PTPRG: variants seen among roughly 807,000 people sequenced by gnomAD.
PTPRG encodes receptor-type tyrosine-protein phosphatase gamma.
PTPRG carries 102 observed loss-of-function variants against 165.3 expected under a neutral mutation model. That is an observed-to-expected ratio of 0.62 (90% confidence interval 0.53 to 0.73). PTPRG has a LOEUF of 0.73. Ranked by LOEUF, PTPRG falls within the 30% of genes least tolerant of loss-of-function variation. The pLI, the probability that PTPRG is intolerant of heterozygous loss-of-function variation, is 0.00. For synonymous variants in PTPRG, 675 were observed against 669.5 expected, an observed-to-expected ratio of 1.01 and a Z score of -0.13; for missense variants, 1,866 against 1,861.4, an observed-to-expected ratio of 1.00 and a Z score of -0.05.
chr3:62,000,927 G>A (rs534558240), intron 3 of PTPRG, among the ~76,000 whole-genome samples: 155 of 152,302 alleles, frequency 1.0e-3, no homozygotes, highest in African/African-American at 3.6e-3. Flanking sequence ...AGCCAGGTAG[G>A]CACTGCAGTA....
chr3:62,275,913 G>T lies in PTPRG; in HGVS notation c.3506G>T (p.Ser1169Ile), dbSNP rs762309679. ...AATGCAAAATATGTGGAATGTTTCA[G>T]TGCTCAGAAAGAGTGTAACAAAGAA... ...QCNAKYVECF[S>I]AQKECNKEKN... The change falls in exon 24 of 30, where the codon AGT (serine) becomes ATT (isoleucine). Residue 1169 changes from serine to isoleucine, a missense_variant. Ser to Ile is a moderately radical substitution (Grantham distance 142, BLOSUM62 -2). This residue lies in a region of PTPRG where 1,452 missense variants were observed against 1,463.0 expected (regional missense o/e 0.99). Transcript: ENST00000474889. 2 of 1,611,996 alleles carry T rather than the reference G, an allele frequency of 1.2e-6. No homozygotes were observed. Among genetic ancestry groups the T allele is most frequent in the African/African-American group, 1.3e-5 (1 of 74,942 alleles).
intron 1 of PTPRG, among the ~76,000 whole-genome samples, chr3:61,592,649 C>T (rs58844538): frequency 0.12 from 15,943 of 131,402 alleles, 1,464 homozygotes; most frequent in African/African-American, 0.26. Context: ...TTCTTTCTTT[C>T]TTTTTTTTTT....
At chr3:62,292,645 A>C in intron 29 of PTPRG, 89 bp downstream of exon 29, 1 of 1,480,344 alleles carries the variant, frequency 6.8e-7, no homozygotes, top group Non-Finnish European at 9.1e-7. Flanking sequence ...ATTGGGGGTG[A>C]TTTTGCCCCC....
intron 5 of PTPRG, among the ~76,000 whole-genome samples, chr3:62,109,197 G>C (rs2106851914): frequency 1.3e-5 from 2 of 152,202 alleles, no homozygotes; most frequent in East Asian, 1.9e-4. Flanking sequence ...TTAAGTCTTT[G>C]ATCCATCTTG....
intron 2 of PTPRG, among the ~76,000 whole-genome samples, chr3:61,887,251 A>G (rs2038077614): frequency 6.6e-6 from 1 of 150,888 alleles, no homozygotes; most frequent in African/African-American, 2.4e-5. Flanking sequence ...GAAAGTTGAA[A>G]AAGAAAATTC....
intron 1 of PTPRG, among the ~76,000 whole-genome samples, chr3:61,684,289 C>T (rs1295563186): frequency 7.9e-5 from 12 of 152,192 alleles, no homozygotes; most frequent in African/African-American, 2.4e-4. Context: ...CTGCCAGCTC[C>T]CCTCCAGGCT....
chr3:61,851,487 AC>A (rs1314239027), intron 2 of PTPRG, among the ~76,000 whole-genome samples: 1 of 151,884 alleles, frequency 6.6e-6, no homozygotes, highest in Non-Finnish European at 1.5e-5. Context: ...AAATAAACTG[AC>A]CAATATATCT....
chr3:61,678,502 A>C (rs1703315625), intron 1 of PTPRG, among the ~76,000 whole-genome samples: 2 of 152,014 alleles, frequency 1.3e-5, no homozygotes, highest in South Asian at 4.2e-4. Flanking sequence ...TTCCCTTCTT[A>C]TTTGGAAAGA....
In PTPRG at chr3:62,149,248, TG is replaced by T. The variant is rs1177348900; in HGVS notation, c.683-7815del. 3.4e-5 allele frequency among the ~76,000 whole-genome samples: 5 copies of T among 149,074 alleles called. No individual in the cohort carries two copies. In the South Asian group the frequency reaches 1.1e-3, roughly 32 times the overall value. Reference sequence around the variant, plus strand: ...TTTGGATCATAAAATTAACTCCCTCTGGGGTCCCCCTAGGGAGGCCTCTTTT... The same window carrying T: ...TTTGGATCATAAAATTAACTCCCTCTGGGTCCCCCTAGGGAGGCCTCTTTT... On this transcript the variant is annotated intron_variant, in intron 6 of 29. Coordinates refer to ENST00000474889, the MANE Select transcript of PTPRG (RefSeq NM_002841.4).
At chr3:62,265,785 T>C (rs1259822215) in intron 17 of PTPRG, among the ~76,000 whole-genome samples, 6 of 151,838 alleles carry the variant, frequency 4.0e-5, no homozygotes. Flanking sequence ...ACACCTCCTT[T>C]CTAACCAGAG....
At chr3:61,816,495 G>A (rs891184737) in intron 2 of PTPRG, among the ~76,000 whole-genome samples, 3 of 152,254 alleles carry the variant, frequency 2.0e-5, no homozygotes, top group Middle Eastern at 3.4e-3. Flanking sequence ...TTGCGCCACT[G>A]CACTCCAGCT....
At chr3:61,693,075 A>G (rs2030325484) in intron 1 of PTPRG, among the ~76,000 whole-genome samples, 1 of 152,216 alleles carries the variant, frequency 6.6e-6, no homozygotes, top group Non-Finnish European at 1.5e-5. Context: ...TGGAATAAAA[A>G]TGAAAAAAAG....
chr3:61,898,063 G>C (rs749473198), intron 2 of PTPRG, among the ~76,000 whole-genome samples: 3 of 151,978 alleles, frequency 2.0e-5, no homozygotes, highest in Admixed American at 6.6e-5. Context: ...CCTTATTTTA[G>C]TGGCTAGAAC....
At chr3:62,059,232 A>G (rs1466000754) in intron 4 of PTPRG, among the ~76,000 whole-genome samples, 1 of 152,200 alleles carries the variant, frequency 6.6e-6, no homozygotes, top group African/African-American at 2.4e-5. Context: ...CACATGTCCT[A>G]GGGGACTCCT....
chr3:62,253,595 A>C (rs1379296689), intron 15 of PTPRG, among the ~76,000 whole-genome samples: 1 of 152,150 alleles, frequency 6.6e-6, no homozygotes, highest in Admixed American at 6.6e-5. Context: ...TAAACATTTT[A>C]AGTGAAGTGA....
Position 62,273,759 on chromosome 3 carries a change from TA to T in PTPRG, c.3381del (p.Ser1128LeufsTer17). On this transcript the variant is annotated frameshift_variant, in exon 23 of 30. Transcript: ENST00000474889. LOFTEE classifies it high-confidence loss of function. This position sits in a 1 kb window ranked among gnomAD's most constrained non-coding sequence, Gnocchi z 4.1. ...LEAILGKETE[V>X]SSNQLHSYVN... Reference sequence around the variant, plus strand: ...GCCATTCTTGGAAAGGAGACTGAAGTATCTTCAAATCAGCTGCACAGCTATG... The same window carrying T: ...GCCATTCTTGGAAAGGAGACTGAAGTTCTTCAAATCAGCTGCACAGCTATG... The T allele has an allele frequency of 6.2e-7, 1 of 1,613,660 alleles. No homozygotes were observed. The highest frequency in any genetic ancestry group is 8.5e-7 in the Non-Finnish European group (1 of 1,179,620).
chr3:61,799,781 T>C (rs1293807704), intron 2 of PTPRG, among the ~76,000 whole-genome samples: 1 of 152,220 alleles, frequency 6.6e-6, no homozygotes, highest in Admixed American at 6.5e-5. Context: ...AAAGTCACTA[T>C]GTGCAGCTCA....
chr3:62,077,048 T>C (rs945659229), intron 4 of PTPRG, among the ~76,000 whole-genome samples: 1 of 152,164 alleles, frequency 6.6e-6, no homozygotes, highest in Non-Finnish European at 1.5e-5. Flanking sequence ...TGCAGACTGC[T>C]TGAGGCCAGG....
chr3:62,163,240 A>C (rs1351243755), intron 7 of PTPRG, among the ~76,000 whole-genome samples: 1 of 152,120 alleles, frequency 6.6e-6, no homozygotes, highest in Non-Finnish European at 1.5e-5. Flanking sequence ...TCCAAACTAT[A>C]TCAGTGACCT....
Sources: allele counts gnomAD v4.1 joint callset (sites outside exome capture counted in the v4.1 genomes callset), GRCh38; gene constraint gnomAD v4.1.1; regional missense constraint gnomAD v4.1.1; non-coding constraint Gnocchi (gnomAD v3.1); transcripts MANE v1.5; gene names NCBI Gene and HGNC (gene_info 2026-07-23, HGNC 2026-07-21).